PZP: variants seen among roughly 807,000 people sequenced by gnomAD.
PZP encodes PZP alpha-2-macroglobulin like, also known as pregnancy zone protein.
Under a neutral mutation model 179.8 loss-of-function variants are expected in PZP, and 150 were observed. The observed-to-expected ratio is 0.83, with a 90% CI of 0.73 to 0.96. The LOEUF is 0.96. PZP is among the 40% of genes least tolerant of loss of function. The pLI is 0.00. For synonymous variants in PZP, 624 were observed against 652.3 expected, an observed-to-expected ratio of 0.96 and a Z score of 0.66; for missense variants, 1,689 against 1,764.0, an observed-to-expected ratio of 0.96 and a Z score of 0.76.
At chr12:9,176,796 A>T (rs953654048) in intron 15 of PZP, among the ~76,000 whole-genome samples, 2 of 152,186 alleles carry the variant, frequency 1.3e-5, no homozygotes, top group African/African-American at 4.8e-5. Context: ...TGATTATTCT[A>T]TGCCAGTTCC....
At position 9,192,553 on chromosome 12, in the gene PZP, G is replaced by A; in HGVS notation, c.1441C>T (p.Gln481Ter). The change falls in exon 12 of 36, where the codon CAG (glutamine) becomes TAG (stop). Residue 481 changes from glutamine to a stop codon, truncating the protein, a stop_gained. Coordinates refer to ENST00000261336, the MANE Select transcript of PZP (RefSeq NM_002864.3). LOFTEE classifies it high-confidence loss of function. ...TITAHYTLNR[Q>*]AMGELSELSF... Reference sequence around the variant, plus strand: ...AGCTCCGATAACTCTCCCATGGCCTGTCTATTCAGTGTATAGTGTGCCGTG... The same window carrying A: ...AGCTCCGATAACTCTCCCATGGCCTATCTATTCAGTGTATAGTGTGCCGTG... 1 of 1,614,150 alleles carries A rather than the reference G, an allele frequency of 6.2e-7. No homozygotes were observed. Among genetic ancestry groups the A allele is most frequent in the Non-Finnish European group, 8.5e-7 (1 of 1,180,010 alleles).
rs772979379 is a variant in PZP at position 9,157,156 on chromosome 12, CACTTAT to C, written c.3550+13_3550+18del. 241 of 1,606,666 alleles carry C rather than the reference CACTTAT, an allele frequency of 1.5e-4. No homozygotes were observed. The highest frequency in any genetic ancestry group is 2.0e-4 in the Non-Finnish European group (235 of 1,175,320). ...CTATGTGTTCTCATTGTTCAGCTCC[CACTTAT>C]AAGTGCTCTCACCTTCTTTCACAGC... On this transcript the variant is annotated intron_variant, in intron 28 of 35. Transcript: ENST00000261336.
At chr12:9,169,784 G>T in intron 15 of PZP, 193 bp from the exon 16 acceptor site, 1 of 461,456 alleles carries the variant, frequency 2.2e-6, no homozygotes, top group Non-Finnish European at 3.6e-6. Context: ...AAACCTACTT[G>T]GGAAAATGCT....
At chr12:9,174,717 A>G (rs1232058925) in intron 15 of PZP, among the ~76,000 whole-genome samples, 2 of 152,164 alleles carry the variant, frequency 1.3e-5, no homozygotes, top group Non-Finnish European at 2.9e-5. Context: ...CACAATTGCT[A>G]CAGAAAGAAT....
Position 9,169,547 on chromosome 12 carries a change from G to A in PZP, c.1884C>T (p.Asp628=). The A allele has an allele frequency of 6.2e-7, 1 of 1,612,972 alleles. No individual in the cohort carries two copies. Among genetic ancestry groups the A allele is most frequent in the Non-Finnish European group, 8.5e-7 (1 of 1,179,536 alleles). Residue 628 remains aspartate (D), a synonymous_variant, in exon 16 of 36, where the codon GAC becomes GAT. Transcript: ENST00000261336. The stretch of plus-strand genomic sequence containing the variant: ...GTTCTTCCTCCTGCTGGTCCACATT[G>A]TCAGGAAAATTGGTGAGATCCTTCA... ...LTVKDLTNFP[D]NVDQQEEEQG... is the part of the protein sequence containing the mutation.
chr12:9,196,985 C>T, intron 8 of PZP, 27 bp downstream of exon 8: 1 of 1,457,420 alleles, frequency 6.9e-7, no homozygotes, highest in Non-Finnish European at 9.6e-7. Context: ...ACAGTGATAG[C>T]ACTGAGGGAG....
chr12:9,147,928 T>C (rs764494072), downstream of PZP, among the ~76,000 whole-genome samples: 5 of 152,196 alleles, frequency 3.3e-5, no homozygotes, highest in African/African-American at 7.2e-5. Context: ...CAGTTTTTTT[T>C]TTCTCCCACA....
chr12:9,196,564 C>G lies in PZP; in HGVS notation c.982+7G>C, dbSNP rs1943786153. ...TTTTATTTCCCATATTCGTTCATTA[C>G]TCACACCTGTCCCCTCTTCTCTGAT... On this transcript the variant is annotated splice_region_variant and intron_variant, in intron 9 of 35. Coordinates refer to ENST00000261336, the MANE Select transcript of PZP (RefSeq NM_002864.3). 6.3e-7 allele frequency: 1 copy of G among 1,593,348 alleles called. No homozygotes were observed. The highest frequency in any genetic ancestry group is 1.7e-5 in the Admixed American group (1 of 59,954).
chr12:9,202,456 A>G (rs1944219049), intron 3 of PZP, 69 bp downstream of exon 3: 2 of 1,612,212 alleles, frequency 1.2e-6, no homozygotes, highest in Non-Finnish European at 1.7e-6. Flanking sequence ...GGGCTAGGAT[A>G]ATGGAGACTT....
chr12:9,148,869 G>A lies in PZP; in HGVS notation c.*103C>T. On this transcript the variant is annotated 3_prime_UTR_variant, in exon 36 of 36. Transcript: ENST00000261336. ...TTGACCAGAAGTACATATTTATTCA[G>A]CAAATATTTTTAGTGTCTATTTTAT... The A allele has an allele frequency of 9.9e-7, 1 of 1,006,606 alleles. No individual in the cohort carries two copies. Among genetic ancestry groups the A allele is most frequent in the Non-Finnish European group, 1.5e-6 (1 of 657,234 alleles). The allele number at this position is 1,006,606 out of a possible 1,614,324, so 62.4% of individuals were successfully genotyped here. A position where few individuals can be genotyped will look rare whatever the true frequency, so the allele number is the denominator to read the frequency against.
At chr12:9,203,211 A>C (rs1944264412) in intron 2 of PZP, among the ~76,000 whole-genome samples, 2 of 152,224 alleles carry the variant, frequency 1.3e-5, no homozygotes, top group South Asian at 4.1e-4. Context: ...TTTGTGGGCA[A>C]TAGGATTATT....
At chr12:9,145,995 T>G (rs960052992), downstream of PZP, among the ~76,000 whole-genome samples, 2 of 152,192 alleles carry the variant, frequency 1.3e-5, no homozygotes, top group African/African-American at 4.8e-5. Context: ...ATTTAATGAT[T>G]ATGTATTTTT....
chr12:9,150,182 A>C (rs1224291514), intron 34 of PZP, among the ~76,000 whole-genome samples: 1 of 152,248 alleles, frequency 6.6e-6, no homozygotes, highest in African/African-American at 2.4e-5. Context: ...AACTACTTGA[A>C]AGCAGTGACT....
intron 34 of PZP, 22 bp downstream of exon 34, chr12:9,150,622 G>A (rs1341233600): frequency 6.7e-7 from 1 of 1,494,022 alleles, no homozygotes; most frequent in Non-Finnish European, 9.3e-7. Flanking sequence ...GGTTAAGATT[G>A]TTTCATTTTT....
At chr12:9,155,427 T>G (rs966833401) in intron 28 of PZP, among the ~76,000 whole-genome samples, 5 of 152,218 alleles carry the variant, frequency 3.3e-5, no homozygotes, top group African/African-American at 4.8e-5. Context: ...TATAAGCATG[T>G]TCTTTCCTGC....
Position 9,163,736 on chromosome 12 carries a change from C to G in PZP, c.2668G>C (p.Gly890Arg). ...AEAMQSLELCGNEVVEVPEIK... is the reference protein window; with the variant it reads ...AEAMQSLELCRNEVVEVPEIK... ...TCAGGGACCTCAACAACCTCATTTC[C>G]ACAGAGTTCTAAGGACTGCATTGCC... Residue 890 changes from glycine (G) to arginine (R), a missense_variant, in exon 21 of 36, where the codon GGA becomes CGA. By Grantham distance (125) the Gly-to-Arg change is moderately radical. Transcript: ENST00000261336. 1 of 1,613,858 alleles carries G rather than the reference C, an allele frequency of 6.2e-7. No individual in the cohort carries two copies. Among genetic ancestry groups the G allele is most frequent in the Non-Finnish European group, 8.5e-7 (1 of 1,179,806 alleles).
At chr12:9,146,914 T>C (rs1443722857), downstream of PZP, among the ~76,000 whole-genome samples, 1 of 5,430 alleles carries the variant, frequency 1.8e-4, no homozygotes, top group Non-Finnish European at 6.7e-3. Context: ...GATGCAAAGA[T>C]CAACTCTTTT....
intron 26 of PZP, 33 bp downstream of exon 26, chr12:9,158,387 G>A: frequency 6.2e-7 from 1 of 1,611,564 alleles, no homozygotes; most frequent in African/African-American, 1.3e-5. Context: ...ATGTTGATGT[G>A]TGTCAGGCTC....
chr12:9,159,039 T>C (rs938444891), intron 25 of PZP, among the ~76,000 whole-genome samples: 1 of 152,216 alleles, frequency 6.6e-6, no homozygotes, highest in African/African-American at 2.4e-5. Context: ...TTTTTTCCCC[T>C]GTGTTTGCCT....
Sources: allele counts gnomAD v4.1 joint callset (sites outside exome capture counted in the v4.1 genomes callset), GRCh38; gene constraint gnomAD v4.1.1; transcripts MANE v1.5; gene names NCBI Gene and HGNC (gene_info 2026-07-23, HGNC 2026-07-21).